Variants in PRKCE observed in about 807,000 individuals in gnomAD.
PRKCE encodes protein kinase C epsilon, also known as protein kinase C epsilon type.
Under a neutral mutation model 85.4 loss-of-function variants are expected in PRKCE, and 16 were observed. That is an observed-to-expected ratio of 0.19 (90% CI 0.13 to 0.28). PRKCE has a LOEUF of 0.28. Ranked by LOEUF, PRKCE falls within the 10% of genes least tolerant of loss-of-function variation. The pLI is 1.00. For missense variants in PRKCE, 573 were observed against 975.2 expected (o/e 0.59, Z 5.49); for synonymous variants, 388 against 371.5 (o/e 1.04, Z -0.51).
intron 2 of PRKCE, among the ~76,000 whole-genome samples, chr2:45,963,028 A>G (rs575736586): frequency 6.6e-6 from 1 of 152,304 alleles, no homozygotes; most frequent in South Asian, 2.1e-4. Context: ...TGGCCATTAT[A>G]GCTGTTTCTG....
chr2:45,964,163 TGTCCC>T (rs1171108056), intron 2 of PRKCE, among the ~76,000 whole-genome samples: 1 of 152,182 alleles, frequency 6.6e-6, no homozygotes, highest in Non-Finnish European at 1.5e-5. Flanking sequence ...GAGGGAGGAA[TGTCCC>T]ACTCTACTCG....
chr2:45,814,721 C>A (rs553886229), intron 1 of PRKCE, among the ~76,000 whole-genome samples: 6 of 152,034 alleles, frequency 3.9e-5, no homozygotes, highest in Non-Finnish European at 8.8e-5. Context: ...AGGTTGGGTG[C>A]CAAGAATATT....
At chr2:46,011,690 C>A (rs1705686851) in intron 10 of PRKCE, among the ~76,000 whole-genome samples, 1 of 152,154 alleles carries the variant, frequency 6.6e-6, no homozygotes, top group African/African-American at 2.4e-5. Flanking sequence ...CTTGAGGAGA[C>A]CTGCAATGAA....
At chr2:46,148,055 A>G (rs192433937) in intron 12 of PRKCE, among the ~76,000 whole-genome samples, 1 of 152,348 alleles carries the variant, frequency 6.6e-6, no homozygotes, top group Admixed American at 6.5e-5. Context: ...GCTAACCTCA[A>G]AACCAGAGAC....
At chr2:46,009,593 T>G (rs941105727) in intron 9 of PRKCE, among the ~76,000 whole-genome samples, 3 of 152,200 alleles carry the variant, frequency 2.0e-5, no homozygotes, top group African/African-American at 7.2e-5. Flanking sequence ...CACACATCCT[T>G]TCTGAAAATA....
intron 10 of PRKCE, among the ~76,000 whole-genome samples, chr2:46,053,966 T>C (rs1046284662): frequency 1.3e-5 from 2 of 152,232 alleles, no homozygotes; most frequent in Admixed American, 1.3e-4. Flanking sequence ...AGCTGTACCA[T>C]TTGACATTCC....
chr2:45,834,532 T>C (rs903260219), intron 1 of PRKCE, among the ~76,000 whole-genome samples: 2 of 152,216 alleles, frequency 1.3e-5, no homozygotes, highest in Non-Finnish European at 2.9e-5. Context: ...TGCCTTTTGC[T>C]GATTAAGACT....
rs72879801 is a variant in PRKCE, at chr2:46,168,802, G to A, written c.2067+9050G>A. Reference sequence around the variant, plus strand: ...AAGAGGGCCTCTGGGGAGGCTGGGAGCCAGCGTTTCTGTGGGTCCTGAGAG... The same window carrying A: ...AAGAGGGCCTCTGGGGAGGCTGGGAACCAGCGTTTCTGTGGGTCCTGAGAG... On this transcript the variant is annotated intron_variant, in intron 14 of 14. Coordinates refer to ENST00000306156, the MANE Select transcript of PRKCE (RefSeq NM_005400.3). Among the ~76,000 whole-genome samples the A allele has an allele frequency of 1.2e-3, 185 of 152,312 alleles. 2 individuals are homozygous for A. Among genetic ancestry groups the A allele is most frequent in the African/African-American group, 4.2e-3 (173 of 41,588 alleles).
chr2:45,877,539 A>G (rs1023312715), intron 2 of PRKCE, among the ~76,000 whole-genome samples: 1 of 152,146 alleles, frequency 6.6e-6, no homozygotes, highest in Non-Finnish European at 1.5e-5. Flanking sequence ...AAACTGTTAC[A>G]TCGAGTTTTT....
intron 2 of PRKCE, 82 bp downstream of exon 2, chr2:45,843,145 G>A (rs1691498985): frequency 8.1e-7 from 1 of 1,230,262 alleles, no homozygotes; most frequent in Admixed American, 1.7e-5. Flanking sequence ...CCCTTGGCCG[G>A]AACACATTAT....
In PRKCE at chr2:46,139,404, C is replaced by A. The variant is rs1441347971; in HGVS notation, c.1593-5689C>A. Among the ~76,000 whole-genome samples, 1 of 151,972 alleles carries A rather than the reference C, an allele frequency of 6.6e-6. No individual in the cohort carries two copies. The highest frequency in any genetic ancestry group is 1.9e-4 in the East Asian group (1 of 5,188). On this transcript the variant is annotated intron_variant, in intron 11 of 14. Transcript: ENST00000306156. The surrounding 1 kb of genome is among the most constrained non-coding windows in gnomAD (Gnocchi z 5.2). ...TAGAAGATATAACGGAAGAAAGCCC[C>A]CATTTACCAGAAGAATTTAAAATAT...
chr2:45,749,467 C>T (rs914823208), intron 1 of PRKCE, among the ~76,000 whole-genome samples: 1 of 152,108 alleles, frequency 6.6e-6, no homozygotes, highest in African/African-American at 2.4e-5. Context: ...AGGACACAGC[C>T]CAATCTCTTG....
intron 1 of PRKCE, among the ~76,000 whole-genome samples, chr2:45,701,689 T>A (rs1678654776): frequency 6.6e-6 from 1 of 152,204 alleles, no homozygotes. Context: ...CCTCCTAGGT[T>A]CACCCAGGCA....
intron 1 of PRKCE, chr2:45,701,260 A>G (rs192775636): frequency 1.3e-5 from 2 of 152,262 alleles, no homozygotes; most frequent in African/African-American, 2.4e-5. Flanking sequence ...TATGTGTGTG[A>G]TGGGGTAGGG....
intron 2 of PRKCE, among the ~76,000 whole-genome samples, chr2:45,881,864 G>T (rs1323968975): frequency 6.6e-6 from 1 of 152,146 alleles, no homozygotes; most frequent in Admixed American, 6.5e-5. Flanking sequence ...AGTTGTGCAG[G>T]TTAGCTAGAA....
intron 1 of PRKCE, among the ~76,000 whole-genome samples, chr2:45,684,181 G>A (rs909226499): frequency 3.9e-5 from 6 of 152,242 alleles, no homozygotes; most frequent in Admixed American, 6.5e-5. Flanking sequence ...GCTCCCAGGA[G>A]CTTCTGAAGT....
chr2:45,713,060 T>C (rs1287450358), intron 1 of PRKCE, among the ~76,000 whole-genome samples: 2 of 152,234 alleles, frequency 1.3e-5, no homozygotes, highest in African/African-American at 4.8e-5. Flanking sequence ...GGTCCCAGTC[T>C]GGTGCTGACT....
intron 11 of PRKCE, among the ~76,000 whole-genome samples, chr2:46,087,629 T>C (rs1669770742): frequency 6.6e-6 from 1 of 152,248 alleles, no homozygotes; most frequent in Non-Finnish European, 1.5e-5. Flanking sequence ...ATTTGTTTTC[T>C]ATTGCTGCAT....
At chr2:46,047,707 C>A (rs1263649375) in intron 10 of PRKCE, among the ~76,000 whole-genome samples, 1 of 152,202 alleles carries the variant, frequency 6.6e-6, no homozygotes, top group African/African-American at 2.4e-5. Context: ...TTTCCCCTCC[C>A]CTTATTTACT....
Sources: gnomAD v4.1 joint callset for allele counts (sites outside exome capture counted in the v4.1 genomes callset) on GRCh38, gnomAD v4.1.1 for gene constraint, Gnocchi (gnomAD v3.1) non-coding constraint, MANE v1.5 for transcripts, NCBI Gene and HGNC (gene_info 2026-07-23, HGNC 2026-07-21) for gene names.